Variants in COX5A observed in about 807,000 individuals in gnomAD.
COX5A encodes the protein cytochrome c oxidase subunit 5A.
In COX5A, 6 loss-of-function variants were observed where a neutral mutation model predicts 16.1. The observed-to-expected ratio is 0.37, with a 90% CI of 0.20 to 0.73. The LOEUF is 0.73. COX5A is among the 30% of genes least tolerant of loss of function. The pLI, the probability that COX5A is intolerant of heterozygous loss-of-function variation, is 0.50. For missense variants in COX5A, 159 were observed against 194.9 expected, an observed-to-expected ratio of 0.82 and a Z score of 1.10; for synonymous variants, 73 against 73.8, an observed-to-expected ratio of 0.99 and a Z score of 0.06.
chr15:74,929,534 C>T (rs1211767960), intron 1 of COX5A, among the ~76,000 whole-genome samples: 2 of 152,052 alleles, frequency 1.3e-5, no homozygotes, highest in African/African-American at 2.4e-5. Context: ...TATCATGGGA[C>T]GTAAAAACTA....
At chr15:74,922,538 G>T (rs936030344) in intron 4 of COX5A, among the ~76,000 whole-genome samples, 1 of 151,990 alleles carries the variant, frequency 6.6e-6, no homozygotes, top group Non-Finnish European at 1.5e-5. Context: ...AGGAGACAGG[G>T]TCTCACTATG....
intron 4 of COX5A, among the ~76,000 whole-genome samples, chr15:74,920,715 T>TG (rs2065315922): frequency 6.6e-6 from 1 of 152,188 alleles, no homozygotes; most frequent in Admixed American, 6.5e-5. Flanking sequence ...CGGTGACTCA[T>TG]GCCTGTAACG....
At position 74,920,296 on chromosome 15, in the gene COX5A, C is replaced by T. The variant is rs565801252; in HGVS notation, c.*156G>A. On this transcript the variant is annotated 3_prime_UTR_variant, in exon 5 of 5. Coordinates refer to ENST00000322347, the MANE Select transcript of COX5A (RefSeq NM_004255.4). ...CTAATTTCAGTTCAAACTCATTTCC[C>T]TTTTATTAAAGTCCAAGTTACCATT... The T allele has an allele frequency of 1.1e-4, 73 of 642,672 alleles. 1 individual carries two copies. The Middle Eastern group carries it at 1.4e-3, about 12-fold the overall frequency. 39.8% of individuals were successfully genotyped at this position (642,672 alleles called of 1,614,324 possible). A position where few individuals can be genotyped will look rare whatever the true frequency, so the allele number is the denominator to read the frequency against.
At chr15:74,937,839 C>T in intron 1 of COX5A, 76 bp downstream of exon 1, 1 of 933,810 alleles carries the variant, frequency 1.1e-6, no homozygotes, top group South Asian at 5.5e-5. Context: ...GGGGAGAGCC[C>T]GCCCCGGAGT....
intron 4 of COX5A, 178 bp downstream of exon 4, chr15:74,923,470 C>T (rs2065330683): frequency 2.0e-6 from 1 of 502,010 alleles, no homozygotes; most frequent in East Asian, 3.2e-5. Context: ...ATGACAACAA[C>T]TAGAAATCAT....
At chr15:74,931,598 G>A (rs1401613680) in intron 1 of COX5A, among the ~76,000 whole-genome samples, 1 of 147,854 alleles carries the variant, frequency 6.8e-6, no homozygotes, top group Non-Finnish European at 1.5e-5. Context: ...CTGTCACCCA[G>A]GCTGAAATGC....
At chr15:74,933,224 G>A (rs1398560824) in intron 1 of COX5A, among the ~76,000 whole-genome samples, 2 of 151,720 alleles carry the variant, frequency 1.3e-5, no homozygotes, top group African/African-American at 4.8e-5. Context: ...GACCAGCCTG[G>A]CCAACATGGT....
rs779900150 is a variant in COX5A at position 74,935,634 on chromosome 15, A to T, written c.100+2281T>A. Among the ~76,000 whole-genome samples, 349 of 150,192 alleles carry T rather than the reference A, an allele frequency of 2.3e-3. 3 individuals are homozygous for T. Among genetic ancestry groups the T allele is most frequent in the Admixed American group, 6.1e-3 (92 of 15,016 alleles). ...AAATAAATAAATAAATAAATAAAAA[A>T]TTTTTTTTTTGAGATGGCATGATTT... On this transcript the variant is annotated intron_variant, in intron 1 of 4. Coordinates refer to ENST00000322347, the MANE Select transcript of COX5A (RefSeq NM_004255.4).
At chr15:74,935,025 G>A (rs1308321597) in intron 1 of COX5A, among the ~76,000 whole-genome samples, 1 of 152,126 alleles carries the variant, frequency 6.6e-6, no homozygotes, top group African/African-American at 2.4e-5. Context: ...TGATCCTTTG[G>A]GTTTAAATTT....
chr15:74,934,534 C>A (rs1004968705), intron 1 of COX5A, among the ~76,000 whole-genome samples: 9 of 151,984 alleles, frequency 5.9e-5, no homozygotes, highest in Non-Finnish European at 1.2e-4. Context: ...GGTTTCACCG[C>A]GTTAGCCAGG....
intron 1 of COX5A, among the ~76,000 whole-genome samples, chr15:74,932,853 T>A (rs537725849): frequency 6.0e-4 from 91 of 152,016 alleles, no homozygotes; most frequent in Non-Finnish European, 1.2e-3. Flanking sequence ...TGCGCCACCA[T>A]GTCAGGCTAA....
chr15:74,935,740 G>C (rs995927162), intron 1 of COX5A, among the ~76,000 whole-genome samples: 1 of 151,318 alleles, frequency 6.6e-6, no homozygotes. Context: ...CCACGTGTGC[G>C]TGCCACCACA....
chr15:74,936,762 G>A (rs2065392451), intron 1 of COX5A, among the ~76,000 whole-genome samples: 1 of 151,424 alleles, frequency 6.6e-6, no homozygotes, highest in Non-Finnish European at 1.5e-5. Flanking sequence ...GAGTAGCTGG[G>A]ATTACAGGCG....
chr15:74,931,502 A>G (rs1341060730), intron 1 of COX5A, among the ~76,000 whole-genome samples: 1 of 152,126 alleles, frequency 6.6e-6, no homozygotes, highest in African/African-American at 2.4e-5. Flanking sequence ...CTCTGTCTCA[A>G]AGAAAAAAAG....
chr15:74,927,138 T>G (rs1438794659), intron 2 of COX5A, among the ~76,000 whole-genome samples: 2 of 151,310 alleles, frequency 1.3e-5, no homozygotes, highest in Non-Finnish European at 1.5e-5. Context: ...AATCCTGAGT[T>G]TTTTTTTTCC....
chr15:74,926,655 A>G (rs535315404), intron 3 of COX5A, 111 bp downstream of exon 3: 9 of 1,146,392 alleles, frequency 7.9e-6, no homozygotes, highest in East Asian at 5.1e-5. Flanking sequence ...TTCTAGTTAT[A>G]TAAGGACTCA....
chr15:74,926,162 C>T (rs952607510), intron 3 of COX5A, among the ~76,000 whole-genome samples: 25 of 151,710 alleles, frequency 1.6e-4, no homozygotes, highest in African/African-American at 6.1e-4. Flanking sequence ...GCCTCAGCCT[C>T]CTGAGTAGCT....
intron 1 of COX5A, among the ~76,000 whole-genome samples, chr15:74,932,161 A>C (rs1302988750): frequency 6.6e-6 from 1 of 152,232 alleles, no homozygotes; most frequent in Non-Finnish European, 1.5e-5. Context: ...AGTATTAAAC[A>C]AATGGTAGCT....
intron 1 of COX5A, among the ~76,000 whole-genome samples, chr15:74,933,478 G>C (rs1349833313): frequency 6.7e-6 from 1 of 150,086 alleles, no homozygotes; most frequent in Non-Finnish European, 1.5e-5. Flanking sequence ...TAAAAACATA[G>C]ATTAGAACAA....
Sources: gnomAD v4.1 joint callset for allele counts (sites outside exome capture counted in the v4.1 genomes callset) on GRCh38, gnomAD v4.1.1 for gene constraint, MANE v1.5 for transcripts, NCBI Gene and HGNC (gene_info 2026-07-23, HGNC 2026-07-21) for gene names.